Variants in HELZ2 observed in about 807,000 individuals in gnomAD.
HELZ2 encodes 3'-5' exoribonuclease HELZ2.
A neutral mutation model predicts 208.8 loss-of-function variants in HELZ2; 143 were observed. The observed-to-expected ratio is 0.68, with a 90% confidence interval of 0.60 to 0.79. HELZ2 has a LOEUF of 0.79. Among genes scored for constraint, HELZ2 ranks in the 30% least tolerant of loss-of-function variants. The probability of loss-of-function intolerance (pLI) is 0.00; values close to 1 mark genes in which losing one functional copy is unlikely to be tolerated. For synonymous variants in HELZ2, 1,705 were observed against 1,693.7 expected (o/e 1.01, Z -0.16); for missense variants, 3,690 against 3,794.5 (o/e 0.97, Z 0.72).
intron 12 of HELZ2, 46 bp from the exon 14 acceptor site, chr20:63,561,512 G>A (rs771334807): frequency 2.2e-5 from 34 of 1,578,796 alleles, no homozygotes; most frequent in Middle Eastern, 3.4e-4. Context: ...GGGCCATCAC[G>A]GGGGCAGAGC....
exon 8 of HELZ2, chr20:63,564,136 C>A: frequency 1.9e-6 from 3 of 1,611,836 alleles, no homozygotes; most frequent in Non-Finnish European, 8.5e-7. Flanking sequence ...GGGCCTTGAG[C>A]TGCTGGCTGC....
Position 63,569,670 on chromosome 20 carries a change from AGAG to A in HELZ2, c.571-8_571-6del. 1 of 1,515,926 alleles carries A rather than the reference AGAG, an allele frequency of 6.6e-7. No individual in the cohort carries two copies. The highest frequency in any genetic ancestry group is 8.8e-7 in the Non-Finnish European group (1 of 1,131,068). The allele number at this position is 1,515,926 out of a possible 1,614,324, so 93.9% of individuals were successfully genotyped here. A position where few individuals can be genotyped will look rare whatever the true frequency, so the allele number is the denominator to read the frequency against. On this transcript the variant is annotated splice_region_variant and splice_polypyrimidine_tract_variant and intron_variant, in intron 3 of 18. Transcript: ENST00000467148. ...GGCCACGTGTAGCAGGGGCTCCTGG[AGAG>A]GAGGCCAGACGGTGAGGGGGGCCCA... is the stretch of plus-strand genomic sequence containing the variant.
At position 63,570,598 on chromosome 20, in the gene HELZ2, A is replaced by G. The variant is rs771791463; in HGVS notation, c.476T>C (p.Leu159Pro). The G allele has an allele frequency of 2.5e-6, 4 of 1,610,162 alleles. No individual in the cohort carries two copies. In the Admixed American group the frequency reaches 5.0e-5, roughly 20 times the overall value. ...GTTGCAGGTGACACGCACTCCATCA[A>G]GGGTCTCTGCCAGCTGCGTGGAAGT... The change falls in exon 3 of 19, where the codon CTT (leucine) becomes CCT (proline). Residue 159 changes from leucine to proline, a missense_variant. Around this residue, in one of 3 missense-constraint regions of HELZ2, gnomAD observed 1,119 missense variants for 1,193.4 expected, o/e 0.94. Transcript: ENST00000467148.
exon 8 of HELZ2, chr20:63,564,785 T>A (rs766301790): frequency 6.2e-7 from 1 of 1,610,806 alleles, no homozygotes; most frequent in African/African-American, 1.3e-5. Context: ...GCCCTGGGGG[T>A]CCACAGTGAA....
intron 1 of HELZ2, chr20:63,571,075 G>A: frequency 1.9e-6 from 1 of 529,008 alleles, no homozygotes; most frequent in East Asian, 3.0e-5. Context: ...AGGCCACATG[G>A]CTTTAGCCCT....
At position 63,559,920 on chromosome 20, in the gene HELZ2, G is replaced by A. The variant is rs376714559; in HGVS notation, c.7825+8C>T. ...TCCCACCCTGGAAGAGCCCAGCCCCGCCCTCACCGATCAGGCAGAGCCCCT... is the reference window on the plus strand; with the variant it reads ...TCCCACCCTGGAAGAGCCCAGCCCCACCCTCACCGATCAGGCAGAGCCCCT... On this transcript the variant is annotated splice_region_variant and intron_variant, in intron 18 of 18. Coordinates refer to ENST00000467148, the Ensembl canonical transcript of HELZ2. The A allele has an allele frequency of 9.9e-4, 1,513 of 1,535,084 alleles. 3 individuals are homozygous for A. Among genetic ancestry groups the A allele is most frequent in the African/African-American group, 3.3e-3 (239 of 72,916 alleles).
In HELZ2 at chr20:63,572,451, C is replaced by T; in HGVS notation, c.-66G>A. The T allele has an allele frequency of 7.0e-7, 1 of 1,428,748 alleles. No individual in the cohort carries two copies. Among genetic ancestry groups the T allele is most frequent in the Non-Finnish European group, 9.2e-7 (1 of 1,089,704 alleles). 88.5% of individuals were successfully genotyped at this position (1,428,748 alleles called of 1,614,324 possible). On this transcript the variant is annotated 5_prime_UTR_variant, in exon 1 of 19. It adds an upstream start codon to the 5' untranslated region. Coordinates refer to ENST00000467148, the Ensembl canonical transcript of HELZ2. ...CGCCAGCACGGCTGCCCACGCCCCA[C>T]AAACCTGCAGTAGGCAGGAGGCTGG... is the stretch of plus-strand genomic sequence containing the variant.
Position 63,563,829 on chromosome 20 carries a change from C to T in HELZ2, c.4993G>A (p.Val1665Met), listed in dbSNP as rs776944152. The change falls in exon 8 of 19, where the codon GTG becomes ATG. Residue 1665 changes from valine (V) to methionine (M), a missense_variant. Val to Met is a conservative substitution (Grantham distance 21, BLOSUM62 1). Transcript: ENST00000467148. Reference sequence around the variant, plus strand: ...GAGGTGGCCCACGTGTACCAGTCCACCTGCAGCGAGTAGTGGCCGCCCTGC... The same window carrying T: ...GAGGTGGCCCACGTGTACCAGTCCATCTGCAGCGAGTAGTGGCCGCCCTGC... 5.0e-6 allele frequency: 8 copies of T among 1,598,628 alleles called. No homozygotes were observed. The South Asian group carries it at 8.9e-5, about 18-fold the overall frequency.
At chr20:63,572,584 CT>C (rs1205017966), upstream of HELZ2, 2 of 580,830 alleles carry the variant, frequency 3.4e-6, no homozygotes, top group Non-Finnish European at 5.9e-6. Flanking sequence ...GGCACTGCCC[CT>C]GGGGGTCCAC....
At chr20:63,570,706 G>A in exon 2 of HELZ2, 1 of 1,590,722 alleles carries the variant, frequency 6.3e-7, no homozygotes, top group Non-Finnish European at 8.5e-7. Context: ...CACTGCTGCT[G>A]CGCTGGTACT....
Position 63,564,531 on chromosome 20 carries a change from G to A in HELZ2, c.4291C>T (p.Leu1431Phe), listed in dbSNP as rs1224297242. The change falls in exon 8 of 19, where the codon CTC (leucine) becomes TTC (phenylalanine). Residue 1431 changes from leucine (L) to phenylalanine (F), a missense_variant. By Grantham distance (22) the Leu-to-Phe change is conservative (BLOSUM62 0). Coordinates refer to ENST00000467148, the Ensembl canonical transcript of HELZ2. ...TGGCCACTGGCCTTCTCCATGGTGA[G>A]GAACAGGGAGATGGCCAGGCGGTCC... 1.9e-6 allele frequency: 3 copies of A among 1,578,530 alleles called. No homozygotes were observed. The African/African-American group carries it at 4.0e-5, about 21-fold the overall frequency.
chr20:63,569,562 C>T (rs760388183), exon 4 of HELZ2: 22 of 1,599,358 alleles, frequency 1.4e-5, no homozygotes, highest in Non-Finnish European at 1.6e-5. Context: ...CACACGGAAG[C>T]GCTCACCCCG....
exon 1 of HELZ2, chr20:63,572,357 C>G: frequency 1.3e-6 from 2 of 1,557,862 alleles, no homozygotes; most frequent in Non-Finnish European, 1.7e-6. Context: ...CTGGAGGCCA[C>G]CCAGCTGCTC....
exon 8 of HELZ2, chr20:63,563,091 G>A: frequency 6.3e-7 from 1 of 1,598,808 alleles, no homozygotes; most frequent in Non-Finnish European, 8.5e-7. Context: ...TCCAGGCAGA[G>A]GCTGAAGCCC....
exon 8 of HELZ2, chr20:63,565,213 C>T (rs751202427): frequency 8.1e-6 from 13 of 1,608,312 alleles, no homozygotes; most frequent in Admixed American, 5.0e-5. Flanking sequence ...GGCACACAAA[C>T]GCCAGCTCGT....
rs35817585 is a variant in HELZ2 at position 63,565,367 on chromosome 20, G to A, written c.3455C>T (p.Ser1152Leu). The A allele has an allele frequency of 1.5e-3, 2,481 of 1,607,882 alleles. 41 individuals are homozygous for A. The African/African-American group carries it at 0.028, about 18-fold the overall frequency. The stretch of plus-strand genomic sequence containing the variant: ...GCGGCCCCTGACCTGGATGGGGCCC[G>A]AGGAGGCATCGTCCAGCGGGATGGC... Residue 1152 changes from serine to leucine, a missense_variant, in exon 8 of 19, where the codon TCG (serine) becomes TTG (leucine). Transcript: ENST00000467148.
At chr20:63,561,919 C>A (rs766765078) in exon 11 of HELZ2, 1 of 1,595,386 alleles carries the variant, frequency 6.3e-7, no homozygotes, top group Non-Finnish European at 8.5e-7. Flanking sequence ...CCGGGCTGCA[C>A]CTGCTCCTGG....
Position 63,568,352 on chromosome 20 carries a change from G to A in HELZ2, c.1730+6C>T, listed in dbSNP as rs184069003. On this transcript the variant is annotated splice_donor_region_variant and intron_variant, in intron 5 of 18. Transcript: ENST00000467148. ...TGAGGTGGGGGCAGGCCAGGCTCGGGCTTACCTGTTGGTGTGTGTGCAGAT... is the reference window on the plus strand; with the variant it reads ...TGAGGTGGGGGCAGGCCAGGCTCGGACTTACCTGTTGGTGTGTGTGCAGAT... 7.5e-6 allele frequency: 12 copies of A among 1,605,796 alleles called. No individual in the cohort carries two copies. In the East Asian group the frequency reaches 1.6e-4, roughly 21 times the overall value.
At chr20:63,570,114 A>ATT in intron 3 of HELZ2, 1 of 335,752 alleles carries the variant, frequency 3.0e-6, no homozygotes, top group South Asian at 2.2e-5. Context: ...ATGCCTGGCT[A>ATT]ATTTTTTTTT....
Sources: gnomAD v4.1 joint callset for allele counts on GRCh38, gnomAD v4.1.1 for gene constraint, gnomAD v4.1.1 regional missense constraint, MANE v1.5 for transcripts, NCBI Gene and HGNC (gene_info 2026-07-23, HGNC 2026-07-21) for gene names.